MECOM: variants seen among roughly 807,000 people sequenced by gnomAD.
The protein encoded by MECOM is MDS1 and EVI1 complex locus.
A neutral mutation model predicts 116.3 loss-of-function variants in MECOM; 13 were observed. The observed-to-expected ratio is 0.11, with a 90% CI of 0.07 to 0.18. MECOM has a LOEUF of 0.18. Ranked by LOEUF, MECOM falls within the 10% of genes least tolerant of loss-of-function variation. The pLI is 1.00. For synonymous variants in MECOM, 528 were observed against 535.2 expected (o/e 0.99, Z 0.19); for missense variants, 1,299 against 1,509.0 (o/e 0.86, Z 2.31).
chr3:169,094,552 A>T (rs1720901592), intron 13 of MECOM, among the ~76,000 whole-genome samples: 4 of 152,226 alleles, frequency 2.6e-5, no homozygotes, highest in Admixed American at 2.6e-4. Context: ...AAAACAAAGC[A>T]CTACTATCAT....
rs969503514 is a variant in MECOM at position 169,663,475 on chromosome 3, T to C, written c.-103A>G. 1.7e-3 allele frequency: 10 copies of C among 5,826 alleles called. No homozygotes were observed. Among genetic ancestry groups the C allele is most frequent in the South Asian group, 1.4e-3 (1 of 698 alleles). The allele number at this position is 5,826 out of a possible 1,614,324, so 0.4% of individuals were successfully genotyped here. ...TCTCGCTCCCTCCCTCTCTCTCCTG[T>C]CTCTCTCTCTCTCTCTCTCTCTCTC... On this transcript the variant is annotated 5_prime_UTR_variant, in exon 1 of 17. Transcript: ENST00000651503.
At chr3:169,121,760 C>G (rs1266533155) in intron 6 of MECOM, among the ~76,000 whole-genome samples, 1 of 151,478 alleles carries the variant, frequency 6.6e-6, no homozygotes, top group Admixed American at 6.6e-5. Flanking sequence ...GCAAAACATC[C>G]CTAAAGAAAT....
At chr3:169,190,553 A>G (rs1317767477) in intron 2 of MECOM, among the ~76,000 whole-genome samples, 1 of 152,100 alleles carries the variant, frequency 6.6e-6, no homozygotes, top group Non-Finnish European at 1.5e-5. Context: ...TGATCATCTC[A>G]AAAACCTCAT....
At chr3:169,499,335 C>A (rs1754230889) in intron 1 of MECOM, among the ~76,000 whole-genome samples, 1 of 61,932 alleles carries the variant, frequency 1.6e-5, no homozygotes, top group African/African-American at 7.0e-5. Context: ...AGAGAAAAGA[C>A]AGATTACCCA....
intron 2 of MECOM, among the ~76,000 whole-genome samples, chr3:169,236,525 T>C (rs1754089585): frequency 6.6e-6 from 1 of 152,180 alleles, no homozygotes; most frequent in Non-Finnish European, 1.5e-5. Flanking sequence ...AATTTTTAAG[T>C]AAGTTTTTAA....
intron 2 of MECOM, among the ~76,000 whole-genome samples, chr3:169,273,751 T>A (rs565130027): frequency 1.3e-5 from 2 of 151,990 alleles, no homozygotes; most frequent in South Asian, 2.1e-4. Flanking sequence ...AAAGGCCCCA[T>A]AGGGCAGCAA....
intron 12 of MECOM, among the ~76,000 whole-genome samples, chr3:169,098,726 C>T (rs1430235339): frequency 6.6e-6 from 1 of 152,004 alleles, no homozygotes; most frequent in Non-Finnish European, 1.5e-5. Context: ...TGGGGTCTCG[C>T]TGTGTTGTCC....
intron 2 of MECOM, among the ~76,000 whole-genome samples, chr3:169,327,639 C>CAAAAAAAAA (rs771134017): frequency 1.7e-4 from 12 of 69,460 alleles, no homozygotes; most frequent in East Asian, 5.1e-4. Context: ...GACTGTGTCT[C>CAAAAAAAAA]AAAAAAAAAA....
intron 1 of MECOM, among the ~76,000 whole-genome samples, chr3:169,425,028 G>A (rs940227467): frequency 1.3e-5 from 2 of 151,676 alleles, no homozygotes; most frequent in Non-Finnish European, 2.9e-5. Flanking sequence ...AATAAGAAAA[G>A]CCAGACCCAG....
At chr3:169,150,247 A>C (rs1232867991) in intron 2 of MECOM, among the ~76,000 whole-genome samples, 1 of 152,336 alleles carries the variant, frequency 6.6e-6, no homozygotes, top group East Asian at 1.9e-4. Context: ...TGAAACAGGA[A>C]AGAAGGTTAG....
At chr3:169,263,077 C>A (rs1196503718) in intron 2 of MECOM, among the ~76,000 whole-genome samples, 31 of 32,924 alleles carry the variant, frequency 9.4e-4, no homozygotes, top group African/African-American at 2.2e-3. Flanking sequence ...TTTCAAGATG[C>A]TATATATATA....
At chr3:169,571,046 A>G (rs776979986) in intron 1 of MECOM, among the ~76,000 whole-genome samples, 1 of 152,222 alleles carries the variant, frequency 6.6e-6, no homozygotes, top group Non-Finnish European at 1.5e-5. Context: ...AAAGGAAGTC[A>G]AATGGTCTCT....
intron 1 of MECOM, among the ~76,000 whole-genome samples, chr3:169,647,244 A>G (rs1212625435): frequency 6.6e-6 from 1 of 152,240 alleles, no homozygotes; most frequent in Non-Finnish European, 1.5e-5. Context: ...CCTGGAGCAA[A>G]GAACAAACAT....
chr3:169,300,944 C>A (rs1716590891), intron 2 of MECOM, among the ~76,000 whole-genome samples: 1 of 152,202 alleles, frequency 6.6e-6, no homozygotes, highest in African/African-American at 2.4e-5. Flanking sequence ...ATAAGTGGCC[C>A]TAAACTAAGA....
chr3:169,376,655 A>C (rs1731087978), intron 2 of MECOM, among the ~76,000 whole-genome samples: 1 of 148,630 alleles, frequency 6.7e-6, no homozygotes, highest in Non-Finnish European at 1.5e-5. Flanking sequence ...GAGAACTACA[A>C]ACCACTGCTC....
At chr3:169,429,231 C>T (rs1473289829) in intron 1 of MECOM, among the ~76,000 whole-genome samples, 1 of 152,146 alleles carries the variant, frequency 6.6e-6, no homozygotes, top group Non-Finnish European at 1.5e-5. Context: ...ATAGGATCCC[C>T]AAACTGCTGG....
chr3:169,463,635 G>T (rs1459476369), intron 1 of MECOM, among the ~76,000 whole-genome samples: 1 of 152,142 alleles, frequency 6.6e-6, no homozygotes, highest in African/African-American at 2.4e-5. Context: ...TCATTTAGAT[G>T]ATGTAGCCAT....
chr3:169,124,276 T>C (rs1192387651), intron 5 of MECOM, among the ~76,000 whole-genome samples: 6 of 152,024 alleles, frequency 3.9e-5, no homozygotes, highest in African/African-American at 1.2e-4. Flanking sequence ...ACCACAATGA[T>C]ATAAACAGCA....
chr3:169,457,259 G>T (rs1746689179), intron 1 of MECOM, among the ~76,000 whole-genome samples: 1 of 152,138 alleles, frequency 6.6e-6, no homozygotes, highest in South Asian at 2.1e-4. Flanking sequence ...CTTAGGAGAG[G>T]CTACTCATTG....
Sources: allele counts gnomAD v4.1 joint callset (sites outside exome capture counted in the v4.1 genomes callset), GRCh38; gene constraint gnomAD v4.1.1; transcripts MANE v1.5; gene names NCBI Gene and HGNC (gene_info 2026-07-23, HGNC 2026-07-21).